The following FOXN3 variants were observed in gnomAD, a reference collection of about 807,000 sequenced individuals.
The protein encoded by FOXN3 is forkhead box protein N3.
A neutral mutation model predicts 38.4 loss-of-function variants in FOXN3; 7 were observed. That is an observed-to-expected ratio of 0.18 (90% CI 0.10 to 0.34). The LOEUF is 0.34. FOXN3 is among the 10% of genes least tolerant of loss of function. The pLI, the probability that FOXN3 is intolerant of heterozygous loss-of-function variation, is 1.00. For synonymous variants in FOXN3, 230 were observed against 242.2 expected (o/e 0.95, Z 0.47); for missense variants, 456 against 613.4 (o/e 0.74, Z 2.71).
At position 89,332,519 on chromosome 14, in the gene FOXN3, T is replaced by C. The variant is rs114079878; in HGVS notation, c.680+18153A>G. Among the ~76,000 whole-genome samples, 1,080 of 152,268 alleles carry C rather than the reference T, an allele frequency of 7.1e-3. 12 individuals are homozygous for C. Among genetic ancestry groups the C allele is most frequent in the African/African-American group, 0.025 (1,028 of 41,548 alleles). On this transcript the variant is annotated intron_variant, in intron 3 of 5. Transcript: ENST00000557258. ...GTCCCTTAATGCTGGTCTAAAGACT[T>C]TGTTAAAACGAAATTTTCCAGACAA...
chr14:89,291,143 G>A (rs894033747), intron 3 of FOXN3: 20 of 504,522 alleles, frequency 4.0e-5, no homozygotes, highest in African/African-American at 3.5e-4. Context: ...CACACATCTC[G>A]TTGACGTAAG....
intron 2 of FOXN3, among the ~76,000 whole-genome samples, chr14:89,358,760 A>G (rs1889337753): frequency 6.6e-6 from 1 of 152,216 alleles, no homozygotes; most frequent in African/African-American, 2.4e-5. Context: ...GGTCAGTGAG[A>G]AACACATTAT....
chr14:89,286,256 G>A (rs1247268673), intron 3 of FOXN3, among the ~76,000 whole-genome samples: 5 of 152,138 alleles, frequency 3.3e-5, no homozygotes. Flanking sequence ...GAAGGACTCT[G>A]AAGAAATGAA....
rs965839011 is a variant in FOXN3 at position 89,163,595 on chromosome 14, C to T, written c.852-626G>A. On this transcript the variant is annotated intron_variant, in intron 5 of 5. Coordinates refer to ENST00000557258, the MANE Select transcript of FOXN3 (RefSeq NM_005197.4). This position sits in a 1 kb window ranked among gnomAD's most constrained non-coding sequence, Gnocchi z 4.3. Reference sequence around the variant, plus strand: ...GGATCGGATATAGACACTGCCACAGCGATGTTGCAGCCTAACAGAGAGGCA... The same window carrying T: ...GGATCGGATATAGACACTGCCACAGTGATGTTGCAGCCTAACAGAGAGGCA... Among the ~76,000 whole-genome samples, 2 of 152,122 alleles carry T rather than the reference C, an allele frequency of 1.3e-5. No individual in the cohort carries two copies. Among genetic ancestry groups the T allele is most frequent in the Non-Finnish European group, 2.9e-5 (2 of 68,030 alleles).
At chr14:89,434,140 C>T (rs913325362) in intron 1 of FOXN3, among the ~76,000 whole-genome samples, 1 of 148,076 alleles carries the variant, frequency 6.8e-6, no homozygotes, top group African/African-American at 2.5e-5. Context: ...TCAACCTGGT[C>T]TTGAACTCCT....
intron 1 of FOXN3, among the ~76,000 whole-genome samples, chr14:89,605,299 T>C (rs1330225464): frequency 3.9e-5 from 6 of 152,198 alleles, no homozygotes; most frequent in African/African-American, 1.2e-4. Flanking sequence ...AGATGCTAAT[T>C]GGCTTTAGGC....
intron 1 of FOXN3, among the ~76,000 whole-genome samples, chr14:89,469,628 T>C (rs999362322): frequency 6.6e-6 from 1 of 152,144 alleles, no homozygotes; most frequent in Non-Finnish European, 1.5e-5. Context: ...GAGTAGGAAA[T>C]GGGTCTGCTT....
At chr14:89,329,063 G>A (rs1888161528) in intron 3 of FOXN3, among the ~76,000 whole-genome samples, 1 of 152,118 alleles carries the variant, frequency 6.6e-6, no homozygotes, top group Non-Finnish European at 1.5e-5. Context: ...GGGAAATACA[G>A]CAAAGTAGAT....
intron 4 of FOXN3, among the ~76,000 whole-genome samples, chr14:89,232,955 A>G (rs1411543687): frequency 6.6e-6 from 1 of 152,216 alleles, no homozygotes; most frequent in Non-Finnish European, 1.5e-5. Flanking sequence ...GGAACCCAAG[A>G]AACAGTCATA....
chr14:89,169,623 G>A (rs10137493), intron 5 of FOXN3, among the ~76,000 whole-genome samples: 83,571 of 151,782 alleles, frequency 0.55, 23,128 homozygotes, highest in South Asian at 0.59. Flanking sequence ...GAGGTGGACA[G>A]AACTGAATTT....
chr14:89,417,637 A>G (rs759378040), upstream of FOXN3: 36 of 454,142 alleles, frequency 7.9e-5, no homozygotes, highest in Non-Finnish European at 1.3e-4. Context: ...CCCCATCTGC[A>G]TGCCTTACAT....
At chr14:89,342,043 A>G (rs571055069) in intron 3 of FOXN3, among the ~76,000 whole-genome samples, 1 of 152,320 alleles carries the variant, frequency 6.6e-6, no homozygotes, top group East Asian at 1.9e-4. Context: ...GGTATCCATC[A>G]TCTCAGGAGT....
chr14:89,354,261 C>G (rs1428078899), intron 2 of FOXN3, among the ~76,000 whole-genome samples: 1 of 150,924 alleles, frequency 6.6e-6, no homozygotes, highest in East Asian at 2.0e-4. Flanking sequence ...GAGTCTCGCT[C>G]TTGTTGCCCA....
chr14:89,339,225 C>T (rs541276709), intron 3 of FOXN3, among the ~76,000 whole-genome samples: 1 of 152,290 alleles, frequency 6.6e-6, no homozygotes, highest in South Asian at 2.1e-4. Context: ...CTGCCCGCCT[C>T]GGCCTCCCAA....
At chr14:89,195,684 A>G (rs1320697797) in intron 4 of FOXN3, among the ~76,000 whole-genome samples, 3 of 152,128 alleles carry the variant, frequency 2.0e-5, no homozygotes, top group Non-Finnish European at 4.4e-5. Flanking sequence ...GAAAAGAGAA[A>G]GGCATTTTGG....
chr14:89,527,055 AGAG>A (rs759998358), intron 1 of FOXN3, among the ~76,000 whole-genome samples: 1 of 146,974 alleles, frequency 6.8e-6, no homozygotes, highest in Non-Finnish European at 1.5e-5. Context: ...GGAGGGGAGG[AGAG>A]GAGGAGGAAG....
chr14:89,515,916 T>C (rs1023829235), intron 1 of FOXN3, among the ~76,000 whole-genome samples: 4 of 152,192 alleles, frequency 2.6e-5, no homozygotes, highest in African/African-American at 7.2e-5. Context: ...ACCATCATTG[T>C]GACGGTGTGG....
At chr14:89,177,827 C>CCCA (rs1407654006) in intron 5 of FOXN3, among the ~76,000 whole-genome samples, 1 of 152,104 alleles carries the variant, frequency 6.6e-6, no homozygotes, top group Non-Finnish European at 1.5e-5. Context: ...GTCCCTGCCC[C>CCCA]CCACGCAAAG....
intron 2 of FOXN3, among the ~76,000 whole-genome samples, chr14:89,395,964 T>A (rs1891088330): frequency 1.3e-5 from 2 of 152,114 alleles, no homozygotes; most frequent in African/African-American, 4.8e-5. Context: ...CCACATAACA[T>A]CAGCACCAAG....
Sources: gnomAD v4.1 joint callset for allele counts (sites outside exome capture counted in the v4.1 genomes callset) on GRCh38, gnomAD v4.1.1 for gene constraint, Gnocchi (gnomAD v3.1) non-coding constraint, MANE v1.5 for transcripts, NCBI Gene and HGNC (gene_info 2026-07-23, HGNC 2026-07-21) for gene names.